SDK2: variants seen among roughly 807,000 people sequenced by gnomAD.
SDK2 encodes the protein sidekick cell adhesion molecule 2, also known as protein sidekick-2.
A neutral mutation model predicts 253.9 loss-of-function variants in SDK2; 105 were observed. The ratio of observed to expected loss-of-function variants is 0.41; its 90% CI spans 0.35 to 0.49. The LOEUF (loss-of-function observed/expected upper bound fraction) is 0.49, where lower values mean the gene tolerates loss of function less well. Ranked by LOEUF, SDK2 falls within the 20% of genes least tolerant of loss-of-function variation. The probability of loss-of-function intolerance (pLI) is 0.06; values close to 1 mark genes in which losing one functional copy is unlikely to be tolerated. For missense variants in SDK2, 2,608 were observed against 3,003.0 expected (o/e 0.87, Z 3.07); for synonymous variants, 1,249 against 1,234.9 (o/e 1.01, Z -0.24).
chr17:73,539,363 G>A (rs1017351054), intron 1 of SDK2, among the ~76,000 whole-genome samples: 2 of 152,150 alleles, frequency 1.3e-5, no homozygotes, highest in Non-Finnish European at 2.9e-5. Context: ...GGGAGCGCCG[G>A]GGCAGGGTCA....
chr17:73,488,740 C>T (rs1489518759), intron 2 of SDK2, among the ~76,000 whole-genome samples: 4 of 152,162 alleles, frequency 2.6e-5, no homozygotes, highest in African/African-American at 4.8e-5. Context: ...AGTAGTTATG[C>T]GTTTCTTAAC....
chr17:73,350,826 G>A, intron 41 of SDK2, 36 bp from the exon 42 acceptor site: 1 of 1,566,498 alleles, frequency 6.4e-7, no homozygotes, highest in Non-Finnish European at 8.6e-7. Flanking sequence ...AGGGTGCTCA[G>A]CCCCCTCCTC....
chr17:73,397,949 T>C (rs1276596608), intron 24 of SDK2, 86 bp downstream of exon 24: 2 of 1,418,970 alleles, frequency 1.4e-6, no homozygotes, highest in East Asian at 4.8e-5. Context: ...AGAAAGGAGC[T>C]GTAGGAATTC....
chr17:73,369,435 A>G (rs915116106), intron 36 of SDK2, among the ~76,000 whole-genome samples: 2 of 152,242 alleles, frequency 1.3e-5, no homozygotes, highest in Non-Finnish European at 2.9e-5. Flanking sequence ...GGGAGGCTGA[A>G]TCCCAGCTGC....
intron 25 of SDK2, among the ~76,000 whole-genome samples, chr17:73,394,537 G>A (rs1248147849): frequency 6.6e-6 from 1 of 152,218 alleles, no homozygotes; most frequent in East Asian, 1.9e-4. Context: ...GGTTTCAGAT[G>A]AGCCTCCTCA....
chr17:73,593,853 G>A (rs1288766997), intron 1 of SDK2, among the ~76,000 whole-genome samples: 1 of 152,082 alleles, frequency 6.6e-6, no homozygotes, highest in African/African-American at 2.4e-5. Flanking sequence ...TACCCTCCTT[G>A]GCCATATCTC....
rs912184768 is a variant in SDK2 at position 73,511,723 on chromosome 17, C to G, written c.65-4126G>C. Among the ~76,000 whole-genome samples, 61 of 152,192 alleles carry G rather than the reference C, an allele frequency of 4.0e-4. No homozygotes were observed. Among genetic ancestry groups the G allele is most frequent in the African/African-American group, 1.4e-3 (58 of 41,454 alleles). On this transcript the variant is annotated intron_variant, in intron 1 of 44. Transcript: ENST00000392650. This position sits in a 1 kb window ranked among gnomAD's most constrained non-coding sequence, Gnocchi z 4.9. ...CTGGATACAGGGATCCTGGGAGGGA[C>G]GCCCTACCTAGGACTCTGAGCAGTG...
At chr17:73,563,056 C>T (rs2045261274) in intron 1 of SDK2, among the ~76,000 whole-genome samples, 1 of 152,234 alleles carries the variant, frequency 6.6e-6, no homozygotes, top group South Asian at 2.1e-4. Flanking sequence ...TACCGCCTCA[C>T]TGCCTGCCGC....
At chr17:73,444,102 C>T (rs1263581752) in intron 5 of SDK2, among the ~76,000 whole-genome samples, 1 of 152,200 alleles carries the variant, frequency 6.6e-6, no homozygotes, top group Non-Finnish European at 1.5e-5. Flanking sequence ...CAATAAATGA[C>T]AGCCTCCCCT....
chr17:73,550,401 A>G (rs1017569504), intron 1 of SDK2, among the ~76,000 whole-genome samples: 5 of 152,182 alleles, frequency 3.3e-5, no homozygotes, highest in Non-Finnish European at 5.9e-5. Context: ...TGCCAAAATG[A>G]GAAGCTGTCC....
In SDK2 at chr17:73,336,544, C is replaced by T. The variant is rs2062379868; in HGVS notation, c.*2043G>A. 6.5e-6 allele frequency: 1 copy of T among 152,688 alleles called. No individual in the cohort carries two copies. The highest frequency in any genetic ancestry group is 6.5e-5 in the Admixed American group (1 of 15,278). The allele number at this position is 152,688 out of a possible 1,614,324, so 9.5% of individuals were successfully genotyped here. ...CTCCCCGTTCACATTTCCCAGGGGT[C>T]AAGTGCTTCAGGAAAAACTCATGGC... On this transcript the variant is annotated 3_prime_UTR_variant, in exon 45 of 45. Transcript: ENST00000392650.
intron 18 of SDK2, among the ~76,000 whole-genome samples, chr17:73,403,450 T>C (rs2063046037): frequency 6.7e-6 from 1 of 149,244 alleles, no homozygotes; most frequent in Non-Finnish European, 1.5e-5. Context: ...TCTCGCCTCC[T>C]GCTCTCACCT....
Position 73,395,490 on chromosome 17 carries a change from G to A in SDK2, c.3355-98C>T. The A allele has an allele frequency of 1.1e-6, 1 of 912,680 alleles. No homozygotes were observed. The highest frequency in any genetic ancestry group is 1.7e-6 in the Non-Finnish European group (1 of 585,190). 56.5% of individuals were successfully genotyped at this position (912,680 alleles called of 1,614,324 possible). ...ACCCTCTCCTCCAGGGCGCCTTCAG[G>A]GCTATCCATCCCACTGTCACCCGGT... On this transcript the variant is annotated intron_variant, in intron 24 of 44. Transcript: ENST00000392650. The surrounding 1 kb of genome is among the most constrained non-coding windows in gnomAD (Gnocchi z 4.3).
intron 2 of SDK2, among the ~76,000 whole-genome samples, chr17:73,499,569 A>C (rs2063869705): frequency 6.6e-6 from 1 of 152,216 alleles, no homozygotes; most frequent in South Asian, 2.1e-4. Context: ...CCCCCGGGGC[A>C]GAAGAATGAC....
intron 1 of SDK2, among the ~76,000 whole-genome samples, chr17:73,542,748 T>C (rs1283348980): frequency 6.6e-6 from 1 of 152,154 alleles, no homozygotes; most frequent in Non-Finnish European, 1.5e-5. Context: ...GGACACTTGG[T>C]CTCCCTCCCT....
At chr17:73,444,994 A>C (rs2063442865) in intron 5 of SDK2, among the ~76,000 whole-genome samples, 2 of 152,260 alleles carry the variant, frequency 1.3e-5, no homozygotes, top group Non-Finnish European at 2.9e-5. Flanking sequence ...ACATTTAATT[A>C]AGAATGGATC....
chr17:73,419,879 CAAA>C (rs869121884), intron 15 of SDK2, among the ~76,000 whole-genome samples: 6 of 122,828 alleles, frequency 4.9e-5, no homozygotes, highest in Admixed American at 8.4e-5. Flanking sequence ...GACCCTGTCT[CAAA>C]AAAAAAAAAA....
Position 73,379,685 on chromosome 17 carries a change from TGAA to T in SDK2, c.4763-139_4763-137del. 1.6e-6 allele frequency: 1 copy of T among 621,926 alleles called. No individual in the cohort carries two copies. The highest frequency in any genetic ancestry group is 2.8e-6 in the Non-Finnish European group (1 of 351,838). The allele number at this position is 621,926 out of a possible 1,614,324, so 38.5% of individuals were successfully genotyped here. ...TTCTAGCCCCCTCTGTGAAGGTGCA[TGAA>T]GGAGGAGGTGAGAGGCGGGGCCCCC... is the stretch of plus-strand genomic sequence containing the variant. On this transcript the variant is annotated intron_variant, in intron 34 of 44. Coordinates refer to ENST00000392650, the MANE Select transcript of SDK2 (RefSeq NM_001144952.2). The surrounding 1 kb of genome is among the most constrained non-coding windows in gnomAD (Gnocchi z 4.5).
chr17:73,438,234 A>C, intron 6 of SDK2, 80 bp from the exon 7 acceptor site: 1 of 1,368,504 alleles, frequency 7.3e-7, no homozygotes, highest in Non-Finnish European at 9.9e-7. Flanking sequence ...GGTGGTAAGG[A>C]GTGTGGGCTT....
Sources: gnomAD v4.1 joint callset for allele counts (sites outside exome capture counted in the v4.1 genomes callset) on GRCh38, gnomAD v4.1.1 for gene constraint, Gnocchi (gnomAD v3.1) non-coding constraint, MANE v1.5 for transcripts, NCBI Gene and HGNC (gene_info 2026-07-23, HGNC 2026-07-21) for gene names.